GNS: variants seen among roughly 807,000 people sequenced by gnomAD.
The protein encoded by GNS is glucosamine (N-acetyl)-6-sulfatase, also known as N-acetylglucosamine-6-sulfatase.
In GNS, 40 loss-of-function variants were observed where a neutral mutation model predicts 69.7. The ratio of observed to expected loss-of-function variants is 0.57; its 90% CI spans 0.45 to 0.75. GNS has a LOEUF of 0.75. Ranked by LOEUF, GNS falls within the 30% of genes least tolerant of loss-of-function variation. The pLI, the probability that GNS is intolerant of heterozygous loss-of-function variation, is 0.00. For synonymous variants in GNS, 243 were observed against 251.6 expected (o/e 0.97, Z 0.32); for missense variants, 565 against 685.5 (o/e 0.82, Z 1.96).
At chr12:64,743,083 T>A in intron 6 of GNS, 58 bp downstream of exon 6, 1 of 1,300,912 alleles carries the variant, frequency 7.7e-7, no homozygotes, top group Non-Finnish European at 1.1e-6. Flanking sequence ...TCCTGACAAG[T>A]ATACCATATA....
intron 2 of GNS, 130 bp from the exon 3 acceptor site, chr12:64,748,048 A>T (rs958122534): frequency 2.6e-5 from 18 of 687,918 alleles, no homozygotes; most frequent in African/African-American, 2.0e-4. Context: ...TGGAATATAT[A>T]TATTTTTTTC....
At chr12:64,756,145 C>A (rs1295716083) in intron 1 of GNS, among the ~76,000 whole-genome samples, 1 of 152,176 alleles carries the variant, frequency 6.6e-6, no homozygotes, top group African/African-American at 2.4e-5. Context: ...AAAGACGATG[C>A]TACTATATAA....
chr12:64,756,317 T>C (rs1191696188), intron 1 of GNS, among the ~76,000 whole-genome samples: 7 of 152,162 alleles, frequency 4.6e-5, no homozygotes, highest in African/African-American at 1.4e-4. Flanking sequence ...TTAGAGCTCT[T>C]TCCACAAAAA....
At chr12:64,754,924 A>G (rs1870201206) in intron 1 of GNS, among the ~76,000 whole-genome samples, 2 of 151,986 alleles carry the variant, frequency 1.3e-5, no homozygotes, top group African/African-American at 2.4e-5. Flanking sequence ...ATTAACTGCC[A>G]TCTTTATACT....
intron 2 of GNS, among the ~76,000 whole-genome samples, chr12:64,749,595 A>G (rs185053901): frequency 1.8e-4 from 28 of 152,328 alleles, no homozygotes; most frequent in African/African-American, 6.0e-4. Flanking sequence ...CATTCTCCAC[A>G]TGTACTAACT....
chr12:64,752,570 C>A, intron 2 of GNS, 128 bp downstream of exon 2: 1 of 650,010 alleles, frequency 1.5e-6, no homozygotes. Context: ...TAAATAAATC[C>A]TTCCTTCAGA....
In GNS at chr12:64,716,070, A is replaced by G. The variant is rs1404226832; in HGVS notation, c.*671T>C. On this transcript the variant is annotated 3_prime_UTR_variant, in exon 14 of 14. Transcript: ENST00000258145. The stretch of plus-strand genomic sequence containing the variant: ...GAGCTACCTGGAATTGGCCTTTATC[A>G]CAAGCTTACTGCTCTATTTCAGTGC... 6.5e-6 allele frequency: 1 copy of G among 154,698 alleles called. No individual in the cohort carries two copies. The highest frequency in any genetic ancestry group is 1.4e-5 in the Non-Finnish European group (1 of 69,506). The allele number at this position is 154,698 out of a possible 1,614,324, so 9.6% of individuals were successfully genotyped here. A position where few individuals can be genotyped will look rare whatever the true frequency, so the allele number is the denominator to read the frequency against.
chr12:64,724,043 A>C (rs1869115373), intron 10 of GNS, among the ~76,000 whole-genome samples: 1 of 152,226 alleles, frequency 6.6e-6, no homozygotes, highest in South Asian at 2.1e-4. Flanking sequence ...AAAAGTGGAA[A>C]GACAGGAAGA....
intron 6 of GNS, 133 bp downstream of exon 6, chr12:64,743,008 C>T: frequency 1.3e-6 from 1 of 783,584 alleles, no homozygotes; most frequent in Admixed American, 1.7e-5. Flanking sequence ...ATTGGTTGTA[C>T]TAGGGACAGA....
At chr12:64,733,655 C>G (rs952790316) in intron 9 of GNS, among the ~76,000 whole-genome samples, 5 of 152,130 alleles carry the variant, frequency 3.3e-5, no homozygotes, top group Admixed American at 3.3e-4. Flanking sequence ...GGGGCATCAC[C>G]TGGTTCCACC....
At chr12:64,755,678 ATTTTT>A (rs760719152) in intron 1 of GNS, among the ~76,000 whole-genome samples, 1 of 129,360 alleles carries the variant, frequency 7.7e-6, no homozygotes, top group East Asian at 2.2e-4. Flanking sequence ...AGAGTAAATG[ATTTTT>A]TTTTTTTTTT....
intron 1 of GNS, among the ~76,000 whole-genome samples, chr12:64,758,663 C>A (rs1313058758): frequency 6.6e-6 from 1 of 152,088 alleles, no homozygotes; most frequent in Non-Finnish European, 1.5e-5. Context: ...ACATTGTATA[C>A]AGGCACAAAC....
chr12:64,734,263 T>C lies in GNS; in HGVS notation c.1098+2741A>G, dbSNP rs1345865012. ...CTTGGCAAAATCCATTCAACCAATG[T>C]GGATGTTCCCCAGTGTATGTTAGGG... On this transcript the variant is annotated intron_variant, in intron 9 of 13. Coordinates refer to ENST00000258145, the MANE Select transcript of GNS (RefSeq NM_002076.4). 2.6e-5 allele frequency among the ~76,000 whole-genome samples: 4 copies of C among 152,238 alleles called. No homozygotes were observed. The East Asian group carries it at 7.7e-4, about 29-fold the overall frequency.
At chr12:64,721,760 CCTAGTTGCCTAG>C in intron 11 of GNS, 55 bp from the exon 12 acceptor site, 1 of 917,288 alleles carries the variant, frequency 1.1e-6, no homozygotes, top group Non-Finnish European at 1.8e-6. Context: ...GTAACAAATA[CCTAGTTGCCTAG>C]AAGGGCAATC....
In GNS at chr12:64,750,579, A is replaced by T. The variant is rs1592508445; in HGVS notation, c.252+2119T>A. On this transcript the variant is annotated intron_variant, in intron 2 of 13. Transcript: ENST00000258145. ...TTGAGTCTCAAATAATCTTGTTAGG[A>T]TTACAACTAGAATAAACATTTTATT... 2.6e-5 allele frequency among the ~76,000 whole-genome samples: 4 copies of T among 152,300 alleles called. No individual in the cohort carries two copies. In the South Asian group the frequency reaches 8.3e-4, roughly 32 times the overall value.
At chr12:64,724,589 G>T (rs1869134617) in intron 10 of GNS, among the ~76,000 whole-genome samples, 2 of 152,236 alleles carry the variant, frequency 1.3e-5, no homozygotes, top group South Asian at 4.1e-4. Context: ...TGGGCACGGT[G>T]GCTCACGCCT....
chr12:64,751,342 TCTC>T (rs1252089920), intron 2 of GNS, among the ~76,000 whole-genome samples: 2 of 152,236 alleles, frequency 1.3e-5, no homozygotes, highest in Non-Finnish European at 2.9e-5. Context: ...TTTCAATAAT[TCTC>T]CTGTGTTTCT....
intron 1 of GNS, among the ~76,000 whole-genome samples, chr12:64,754,025 C>A (rs1870165063): frequency 6.6e-6 from 1 of 152,158 alleles, no homozygotes; most frequent in Non-Finnish European, 1.5e-5. Context: ...GAGAAAAGGA[C>A]CAGAGTTGAC....
At chr12:64,718,762 A>C (rs905072249) in intron 13 of GNS, among the ~76,000 whole-genome samples, 1 of 152,266 alleles carries the variant, frequency 6.6e-6, no homozygotes, top group Non-Finnish European at 1.5e-5. Context: ...CAGGGAGTAC[A>C]TGGTTAAAAA....
Sources: gnomAD v4.1 joint callset for allele counts (sites outside exome capture counted in the v4.1 genomes callset) on GRCh38, gnomAD v4.1.1 for gene constraint, MANE v1.5 for transcripts, NCBI Gene and HGNC (gene_info 2026-07-23, HGNC 2026-07-21) for gene names.